Variants in UBXN6 observed in about 807,000 individuals in gnomAD.
The protein encoded by UBXN6 is UBX domain-containing protein 6.
A neutral mutation model predicts 51.4 loss-of-function variants in UBXN6; 44 were observed. The ratio of observed to expected loss-of-function variants is 0.86; its 90% CI spans 0.67 to 1.10. The LOEUF is 1.10. Ranked by LOEUF, UBXN6 falls within the 50% of genes least tolerant of loss-of-function variation. The pLI is 0.00. For missense variants in UBXN6, 672 were observed against 596.1 expected (o/e 1.13, Z -1.32); for synonymous variants, 316 against 263.2 (o/e 1.20, Z -1.94).
At chr19:4,451,798 T>C (rs979897149) in intron 4 of UBXN6, among the ~76,000 whole-genome samples, 1 of 151,688 alleles carries the variant, frequency 6.6e-6, no homozygotes, top group African/African-American at 2.4e-5. Flanking sequence ...CCACCATGCC[T>C]GGCTAATTTT....
intron 5 of UBXN6, 92 bp downstream of exon 5, chr19:4,448,226 A>G: frequency 4.4e-6 from 5 of 1,143,686 alleles, no homozygotes; most frequent in Non-Finnish European, 6.3e-6. Context: ...CTCAGCAGGT[A>G]ATGAGGGGGC....
At chr19:4,452,198 T>A (rs2145184945) in intron 4 of UBXN6, among the ~76,000 whole-genome samples, 166 bp downstream of exon 4, 1 of 150,516 alleles carries the variant, frequency 6.6e-6, no homozygotes, top group African/African-American at 2.4e-5. Flanking sequence ...TACAGATGCA[T>A]ACACAATGGT....
Position 4,446,032 on chromosome 19 carries a change from T to A in UBXN6, c.1200+17A>T. ...AGAGGCATCGGGTCAGCGGTGCTCCTGCGGGCCGACACTCACCAGCCCGCA... is the reference window on the plus strand; with the variant it reads ...AGAGGCATCGGGTCAGCGGTGCTCCAGCGGGCCGACACTCACCAGCCCGCA... On this transcript the variant is annotated intron_variant, in intron 10 of 10. Transcript: ENST00000301281. 6.2e-7 allele frequency: 1 copy of A among 1,600,900 alleles called. No homozygotes were observed. The highest frequency in any genetic ancestry group is 8.5e-7 in the Non-Finnish European group (1 of 1,173,462).
intron 1 of UBXN6, among the ~76,000 whole-genome samples, chr19:4,456,710 C>T (rs1381368505): frequency 1.2e-4 from 18 of 152,160 alleles, no homozygotes; most frequent in Admixed American, 1.2e-3. Context: ...CGGCATCTAT[C>T]TCCTTTCCCC....
chr19:4,455,762 G>A (rs1356033631), intron 1 of UBXN6, among the ~76,000 whole-genome samples: 6 of 151,982 alleles, frequency 3.9e-5, no homozygotes, highest in African/African-American at 1.5e-4. Context: ...AGGAGGATGG[G>A]GGTCTGGAAA....
chr19:4,457,484 C>T lies in UBXN6; in HGVS notation c.83+131G>A, dbSNP rs550745113. 1.6e-5 allele frequency: 11 copies of T among 702,874 alleles called. No homozygotes were observed. The African/African-American group carries it at 1.6e-4, about 10-fold the overall frequency. 43.5% of individuals were successfully genotyped at this position (702,874 alleles called of 1,614,324 possible). A position where few individuals can be genotyped will look rare whatever the true frequency, so the allele number is the denominator to read the frequency against. On this transcript the variant is annotated intron_variant, in intron 1 of 10. Coordinates refer to ENST00000301281, the MANE Select transcript of UBXN6 (RefSeq NM_025241.3). Reference sequence around the variant, plus strand: ...TCGTCCGCCCCCGGCGCCTCTCCCCCTCCCCTGACCCTCGCGTGCCGCTCC... The same window carrying T: ...TCGTCCGCCCCCGGCGCCTCTCCCCTTCCCCTGACCCTCGCGTGCCGCTCC...
At position 4,453,952 on chromosome 19, in the gene UBXN6, C is replaced by T. The variant is rs773496682; in HGVS notation, c.225G>A (p.Ser75=). 1.8e-5 allele frequency: 29 copies of T among 1,610,758 alleles called. No individual in the cohort carries two copies. The African/African-American group carries it at 2.1e-4, about 12-fold the overall frequency. The change falls in exon 2 of 11, where the codon TCG becomes TCA. Residue 75 remains serine (S), a synonymous_variant. Coordinates refer to ENST00000301281, the MANE Select transcript of UBXN6 (RefSeq NM_025241.3). ...QKQSRAWGPT[S]QDTIRNQVRK... ...CACCCTGGTTTCGGATGGTGTCCTG[C>T]GATGTGGGGCCCCAGGCCCGGGACT...
At chr19:4,457,515 C>A in intron 1 of UBXN6, 100 bp downstream of exon 1, 5 of 1,133,992 alleles carry the variant, frequency 4.4e-6, no homozygotes, top group East Asian at 3.5e-5. Context: ...GCTCCCAGCC[C>A]CTCATCCTCT....
At chr19:4,451,293 G>A (rs1197191559) in intron 4 of UBXN6, among the ~76,000 whole-genome samples, 2 of 152,210 alleles carry the variant, frequency 1.3e-5, no homozygotes, top group Non-Finnish European at 1.5e-5. Flanking sequence ...TCTGACCTCA[G>A]GTGATCCACC....
chr19:4,452,530 A>G lies in UBXN6; in HGVS notation c.313-38T>C, dbSNP rs1317776082. 9 of 1,593,814 alleles carry G rather than the reference A, an allele frequency of 5.6e-6. No individual in the cohort carries two copies. In the South Asian group the frequency reaches 1.0e-4, roughly 18 times the overall value. On this transcript the variant is annotated intron_variant, in intron 3 of 10. Coordinates refer to ENST00000301281, the MANE Select transcript of UBXN6 (RefSeq NM_025241.3). Reference sequence around the variant, plus strand: ...AAGCGTCCAAGTCTGGACCGTGGACAGAGGCCACCCCGACCCTCGCCGAGC... The same window carrying G: ...AAGCGTCCAAGTCTGGACCGTGGACGGAGGCCACCCCGACCCTCGCCGAGC...
At chr19:4,448,706 C>T in intron 4 of UBXN6, 1 of 444,024 alleles carries the variant, frequency 2.3e-6, no homozygotes, top group Non-Finnish European at 4.2e-6. Context: ...CAGAACTGTG[C>T]CTCACACTCT....
chr19:4,448,099 C>A (rs1158474117), intron 5 of UBXN6: 5 of 588,180 alleles, frequency 8.5e-6, no homozygotes, highest in African/African-American at 7.5e-5. Flanking sequence ...ACCCCTGATT[C>A]CTTCAACACC....
chr19:4,453,541 A>C lies in UBXN6; in HGVS notation c.248-19T>G. The C allele has an allele frequency of 6.2e-7, 1 of 1,612,614 alleles. No individual in the cohort carries two copies. The highest frequency in any genetic ancestry group is 8.5e-7 in the Non-Finnish European group (1 of 1,179,582). On this transcript the variant is annotated intron_variant, in intron 2 of 10. Coordinates refer to ENST00000301281, the MANE Select transcript of UBXN6 (RefSeq NM_025241.3). The stretch of plus-strand genomic sequence containing the variant: ...TTTCTCACTGGAAGGCAGCCCAAGA[A>C]AGAGAGGCAGAGACGGGATAGTGAG...
chr19:4,446,891 G>C lies in UBXN6; in HGVS notation c.645C>G (p.His215Gln). ...GGAACCCAATGGCCTCAAAAAACTC[G>C]TGGGTCCCTTCCAGGCAGTTAATGC... ...QERINCLEGT[H>Q]EFFEAIGFQK... The change falls in exon 7 of 11, where the codon CAC becomes CAG. Residue 215 changes from histidine (H) to glutamine (Q), a missense_variant. His to Gln is a conservative substitution (Grantham distance 24, BLOSUM62 0). Transcript: ENST00000301281. 1 of 1,613,966 alleles carries C rather than the reference G, an allele frequency of 6.2e-7. No homozygotes were observed. Among genetic ancestry groups the C allele is most frequent in the Non-Finnish European group, 8.5e-7 (1 of 1,180,016 alleles).
Position 4,446,064 on chromosome 19 carries a change from C to A in UBXN6, c.1185G>T (p.Leu395Phe). 6.2e-7 allele frequency: 1 copy of A among 1,612,114 alleles called. No individual in the cohort carries two copies. The highest frequency in any genetic ancestry group is 1.3e-5 in the African/African-American group (1 of 75,040). Residue 395 changes from leucine to phenylalanine, a missense_variant, in exon 10 of 11, where the codon TTG becomes TTT. Transcript: ENST00000301281. The stretch of plus-strand genomic sequence containing the variant: ...CGACACTCACCAGCCCGCACTCGTT[C>A]AAGGCCAGGTTCTCGTCCTCGGACA... ...QKLSEDENLALNECGLVPSAL... is the reference protein window; with the variant it reads ...QKLSEDENLAFNECGLVPSAL...
rs8110072 is a variant in UBXN6, at chr19:4,448,703, G to T, written c.442-288C>A. 897 of 454,340 alleles carry T rather than the reference G, an allele frequency of 2.0e-3. 5 individuals carry two copies. The highest frequency in any genetic ancestry group is 0.016 in the African/African-American group (817 of 50,770). The allele number at this position is 454,340 out of a possible 1,614,324, so 28.1% of individuals were successfully genotyped here. The stretch of plus-strand genomic sequence containing the variant: ...GAAGCCAGTGTGACGCGACAGAACT[G>T]TGCCTCACACTCTGGCTTTAGAACT... On this transcript the variant is annotated intron_variant, in intron 4 of 10. Coordinates refer to ENST00000301281, the MANE Select transcript of UBXN6 (RefSeq NM_025241.3).
chr19:4,457,631 G>A lies in UBXN6; in HGVS notation c.67C>T (p.Leu23Phe), dbSNP rs1974758934. The A allele has an allele frequency of 1.3e-6, 2 of 1,599,546 alleles. No homozygotes were observed. Among genetic ancestry groups the A allele is most frequent in the Admixed American group, 1.7e-5 (1 of 59,222 alleles). Residue 23 changes from leucine to phenylalanine, a missense_variant, in exon 1 of 11, where the codon CTC (leucine) becomes TTC (phenylalanine). Transcript: ENST00000301281. ...KFKSAGPGQK[L>F]KESVGEKAHK... is the part of the protein sequence containing the mutation. Reference sequence around the variant, plus strand: ...CTCACGCACCCCACGGACTCTTTGAGCTTCTGACCGGGTCCCGCGCTCTTG... The same window carrying A: ...CTCACGCACCCCACGGACTCTTTGAACTTCTGACCGGGTCCCGCGCTCTTG...
chr19:4,453,032 C>T (rs1006941221), intron 3 of UBXN6, among the ~76,000 whole-genome samples: 3 of 152,248 alleles, frequency 2.0e-5, no homozygotes, highest in African/African-American at 7.2e-5. Context: ...GCCTCTTGAC[C>T]TCCAAGGCAG....
In UBXN6 at chr19:4,446,293, G is replaced by A. The variant is rs1218403671; in HGVS notation, c.1041C>T (p.Cys347=). The A allele has an allele frequency of 6.4e-7, 1 of 1,571,404 alleles. No individual in the cohort carries two copies. Among genetic ancestry groups the A allele is most frequent in the Non-Finnish European group, 8.6e-7 (1 of 1,163,102 alleles). The change falls in exon 9 of 11, where the codon TGC becomes TGT. Residue 347 remains cysteine, a synonymous_variant. Transcript: ENST00000301281. ...ATCGTTGGTGCCCACCCTGCAGGAG[G>A]CAGCCATCGGGGAGGCGCACGCGCA... The part of the protein sequence containing the change: ...TLLRVRLPDG[C]LLQGTFYARE...
Sources: gnomAD v4.1 joint callset for allele counts (sites outside exome capture counted in the v4.1 genomes callset) on GRCh38, gnomAD v4.1.1 for gene constraint, MANE v1.5 for transcripts, NCBI Gene and HGNC (gene_info 2026-07-23, HGNC 2026-07-21) for gene names.